The following MSL2 variants were observed in gnomAD, a reference collection of about 807,000 sequenced individuals.
The protein encoded by MSL2 is E3 ubiquitin-protein ligase MSL2.
MSL2 carries 2 observed loss-of-function variants against 35.8 expected under a neutral mutation model. The ratio of observed to expected loss-of-function variants is 0.06; its 90% confidence interval spans 0.02 to 0.18. The LOEUF (loss-of-function observed/expected upper bound fraction) is 0.18, where lower values mean the gene tolerates loss of function less well. Among genes scored for constraint, MSL2 ranks in the 10% least tolerant of loss-of-function variants. The pLI, the probability that MSL2 is intolerant of heterozygous loss-of-function variation, is 1.00. For missense variants in MSL2, 523 were observed against 706.7 expected (o/e 0.74, Z 2.95); for synonymous variants, 296 against 255.7 (o/e 1.16, Z -1.50).
At position 136,195,030 on chromosome 3, in the gene MSL2, AAAC is replaced by A. The variant is rs755754080; in HGVS notation, c.81_83del (p.Phe28del). On this transcript the variant is annotated inframe_deletion, in exon 1 of 2. Transcript: ENST00000309993. ...AAGGCAAGAGCCTGTTAATCTCAGT[AAAC>A]GCCTTGGGGTCTCCGGGGTCGTAGT... The A allele has an allele frequency of 2.7e-5, 44 of 1,614,048 alleles. No individual in the cohort carries two copies. The highest frequency in any genetic ancestry group is 3.4e-5 in the Non-Finnish European group (40 of 1,180,026).
chr3:136,159,661 C>T (rs1440260528), intron 1 of MSL2, among the ~76,000 whole-genome samples: 1 of 151,796 alleles, frequency 6.6e-6, no homozygotes. Context: ...TGAGCCACCA[C>T]GCCTGGCCAA....
At chr3:136,193,150 T>C (rs1271951661) in intron 1 of MSL2, among the ~76,000 whole-genome samples, 1 of 152,226 alleles carries the variant, frequency 6.6e-6, no homozygotes, top group Non-Finnish European at 1.5e-5. Flanking sequence ...CTTTTAAATG[T>C]AGTGGGTTTT....
chr3:136,156,537 T>A (rs59747718), intron 1 of MSL2, among the ~76,000 whole-genome samples: 17,499 of 152,158 alleles, frequency 0.12, 1,604 homozygotes, highest in African/African-American at 0.26. Flanking sequence ...AGAAAAAAAA[T>A]TATGCCTCAA....
chr3:136,173,120 G>T (rs140456738), intron 1 of MSL2, among the ~76,000 whole-genome samples: 1 of 152,102 alleles, frequency 6.6e-6, no homozygotes, highest in Non-Finnish European at 1.5e-5. Flanking sequence ...CTGAGATCAC[G>T]CCACTGCACT....
chr3:136,153,004 C>T (rs995031092), intron 1 of MSL2: 1 of 985,406 alleles, frequency 1.0e-6, no homozygotes, highest in East Asian at 1.1e-4. Context: ...TCTGGTCCAC[C>T]TTCTTATCCT....
chr3:136,151,075 C>A lies in MSL2; in HGVS notation c.*72G>T. The A allele has an allele frequency of 1.3e-6, 2 of 1,522,382 alleles. No homozygotes were observed. The highest frequency in any genetic ancestry group is 2.5e-5 in the South Asian group (2 of 80,378). 94.3% of individuals were successfully genotyped at this position (1,522,382 alleles called of 1,614,324 possible). A position where few individuals can be genotyped will look rare whatever the true frequency, so the allele number is the denominator to read the frequency against. ...TATGCAGGAGCTCCGGCAAGTTAAA[C>A]CAACAGAACCATAGCTGCCGTAAAA... On this transcript the variant is annotated 3_prime_UTR_variant, in exon 2 of 2. Transcript: ENST00000309993. This position sits in a 1 kb window ranked among gnomAD's most constrained non-coding sequence, Gnocchi z 5.2.
At chr3:136,154,635 A>C (rs1939465199) in intron 1 of MSL2, among the ~76,000 whole-genome samples, 1 of 152,256 alleles carries the variant, frequency 6.6e-6, no homozygotes, top group Non-Finnish European at 1.5e-5. Flanking sequence ...ATAACTTATA[A>C]GCCAAAAACA....
At chr3:136,159,652 G>A (rs1219797617) in intron 1 of MSL2, among the ~76,000 whole-genome samples, 5 of 151,466 alleles carry the variant, frequency 3.3e-5, no homozygotes, top group African/African-American at 1.2e-4. Flanking sequence ...TTACAGGCGT[G>A]AGCCACCACG....
At chr3:136,191,132 T>A (rs1319429988) in intron 1 of MSL2, among the ~76,000 whole-genome samples, 1 of 152,188 alleles carries the variant, frequency 6.6e-6, no homozygotes, top group Non-Finnish European at 1.5e-5. Flanking sequence ...GTACCTAATA[T>A]GTGCCAGACA....
In MSL2 at chr3:136,195,695, C is replaced by T. The variant is rs1363411966; in HGVS notation, c.-582G>A. ...GCGGCGACGAAGGTTGATGTTGCGG[C>T]TGGCGGACGCCGCCGCCGCGCTCTC... On this transcript the variant is annotated 5_prime_UTR_variant, in exon 1 of 2. Transcript: ENST00000309993. 2.0e-6 allele frequency: 2 copies of T among 985,286 alleles called. No individual in the cohort carries two copies. Among genetic ancestry groups the T allele is most frequent in the African/African-American group, 1.7e-5 (1 of 57,208 alleles). The allele number at this position is 985,286 out of a possible 1,614,324, so 61.0% of individuals were successfully genotyped here. A position where few individuals can be genotyped will look rare whatever the true frequency, so the allele number is the denominator to read the frequency against.
rs914132286 is a variant in MSL2 at position 136,195,706 on chromosome 3, C to T, written c.-593G>A. On this transcript the variant is annotated 5_prime_UTR_variant, in exon 1 of 2. Transcript: ENST00000309993. ...GGTTGATGTTGCGGCTGGCGGACGC[C>T]GCCGCCGCGCTCTCCATATCGGACG... 13 of 985,364 alleles carry T rather than the reference C, an allele frequency of 1.3e-5. No homozygotes were observed. Among genetic ancestry groups the T allele is most frequent in the East Asian group, 2.3e-4 (2 of 8,808 alleles). The allele number at this position is 985,364 out of a possible 1,614,324, so 61.0% of individuals were successfully genotyped here. A position where few individuals can be genotyped will look rare whatever the true frequency, so the allele number is the denominator to read the frequency against.
chr3:136,196,291 G>A lies in MSL2; in HGVS notation c.-1178C>T, dbSNP rs758593985. The A allele has an allele frequency of 1.3e-5, 2 of 152,200 alleles. No homozygotes were observed. The highest frequency in any genetic ancestry group is 2.1e-4 in the South Asian group (1 of 4,816). The allele number at this position is 152,200 out of a possible 1,614,324, so 9.4% of individuals were successfully genotyped here. ...AACGGGCAAAGCCACTGTCATCCCCGAGACTCCCCCGCCGCCGTCGTCGCT... is the reference window on the plus strand; with the variant it reads ...AACGGGCAAAGCCACTGTCATCCCCAAGACTCCCCCGCCGCCGTCGTCGCT... On this transcript the variant is annotated 5_prime_UTR_variant, in exon 1 of 2. Transcript: ENST00000309993.
chr3:136,193,198 A>C (rs915946138), intron 1 of MSL2, among the ~76,000 whole-genome samples: 2 of 152,214 alleles, frequency 1.3e-5, no homozygotes, highest in African/African-American at 4.8e-5. Flanking sequence ...TCCAGGTTAG[A>C]ACTTGGGAAA....
intron 1 of MSL2, among the ~76,000 whole-genome samples, chr3:136,180,752 AGGAGGGAAGGAGGGAGGGAG>A (rs1559969091): frequency 1.7e-4 from 15 of 85,984 alleles, no homozygotes; most frequent in South Asian, 5.6e-4. Context: ...AGAGGAGGGA[AGGAGGGAAGGAGGGAGGGAG>A]GGAGGGAGGG....
At chr3:136,176,674 A>T (rs11919867) in intron 1 of MSL2, among the ~76,000 whole-genome samples, 20 of 151,698 alleles carry the variant, frequency 1.3e-4, no homozygotes, top group South Asian at 2.1e-4. Context: ...AAAAAAAAAA[A>T]TTTAAAAATT....
At chr3:136,182,051 C>T (rs1486855089) in intron 1 of MSL2, among the ~76,000 whole-genome samples, 3 of 151,942 alleles carry the variant, frequency 2.0e-5, no homozygotes, top group Admixed American at 2.0e-4. Flanking sequence ...ACACTGAAGG[C>T]AAATTTCTCA....
Position 136,195,545 on chromosome 3 carries a change from G to A in MSL2, c.-432C>T, listed in dbSNP as rs1418060864. 4.0e-6 allele frequency: 4 copies of A among 1,001,552 alleles called. No homozygotes were observed. The highest frequency in any genetic ancestry group is 4.2e-5 in the South Asian group (1 of 24,008). 62.0% of individuals were successfully genotyped at this position (1,001,552 alleles called of 1,614,324 possible). The stretch of plus-strand genomic sequence containing the variant: ...GGAGCAGGCCCCGGCCCCGTCTGAG[G>A]CGCGGCACGCTTCTCCCGGGCTGCA... On this transcript the variant is annotated 5_prime_UTR_variant, in exon 1 of 2. Transcript: ENST00000309993.
intron 1 of MSL2, among the ~76,000 whole-genome samples, chr3:136,188,846 A>C (rs1940597559): frequency 6.6e-6 from 1 of 151,790 alleles, no homozygotes; most frequent in East Asian, 1.9e-4. Context: ...ACAGTACCAT[A>C]CTGCCTGCCT....
Position 136,195,825 on chromosome 3 carries a change from G to A in MSL2, c.-712C>T, listed in dbSNP as rs966917802. ...GCGGGCGGGAGTCCTCAACCCGGAG[G>A]GGAAGGCCGGGGAGGAAGTGCGCGG... On this transcript the variant is annotated 5_prime_UTR_variant, in exon 1 of 2. Coordinates refer to ENST00000309993, the MANE Select transcript of MSL2 (RefSeq NM_018133.4). 12 of 984,904 alleles carry A rather than the reference G, an allele frequency of 1.2e-5. No individual in the cohort carries two copies. The highest frequency in any genetic ancestry group is 1.4e-5 in the Non-Finnish European group (12 of 829,744). The allele number at this position is 984,904 out of a possible 1,614,324, so 61.0% of individuals were successfully genotyped here. A position where few individuals can be genotyped will look rare whatever the true frequency, so the allele number is the denominator to read the frequency against.
Sources: allele counts gnomAD v4.1 joint callset (sites outside exome capture counted in the v4.1 genomes callset), GRCh38; gene constraint gnomAD v4.1.1; non-coding constraint Gnocchi (gnomAD v3.1); transcripts MANE v1.5; gene names NCBI Gene and HGNC (gene_info 2026-07-23, HGNC 2026-07-21).